Variants in TBC1D22A observed in about 807,000 individuals in gnomAD.
TBC1D22A encodes putative GTPase activator.
TBC1D22A carries 38 observed loss-of-function variants against 60.2 expected under a neutral mutation model. The observed-to-expected ratio is 0.63, with a 90% CI of 0.49 to 0.83. The LOEUF (loss-of-function observed/expected upper bound fraction) is 0.83. Ranked by LOEUF, TBC1D22A falls within the 40% of genes least tolerant of loss-of-function variation. The probability of loss-of-function intolerance (pLI) is 0.00; values close to 1 mark genes in which losing one functional copy is unlikely to be tolerated. For synonymous variants in TBC1D22A, 302 were observed against 281.7 expected (o/e 1.07, Z -0.72); for missense variants, 628 against 701.0 (o/e 0.90, Z 1.18).
chr22:46,981,138 C>G (rs1287917394), intron 9 of TBC1D22A, among the ~76,000 whole-genome samples: 2 of 152,112 alleles, frequency 1.3e-5, no homozygotes, highest in African/African-American at 4.8e-5. Flanking sequence ...GAAAGCATTC[C>G]TAGAGACAAA....
intron 11 of TBC1D22A, among the ~76,000 whole-genome samples, chr22:47,053,474 A>T (rs537338685): frequency 1.3e-5 from 2 of 152,188 alleles, no homozygotes; most frequent in South Asian, 4.1e-4. Flanking sequence ...GCGCACTCAG[A>T]GGCCTCAGGA....
At chr22:46,913,467 C>A (rs1239698558) in intron 8 of TBC1D22A, 2 of 1,347,562 alleles carry the variant, frequency 1.5e-6, no homozygotes, top group East Asian at 9.3e-5. Flanking sequence ...TTACTGCAGC[C>A]CTCTGACACT....
intron 4 of TBC1D22A, among the ~76,000 whole-genome samples, chr22:46,845,436 C>T (rs1274536322): frequency 2.6e-5 from 4 of 152,162 alleles, no homozygotes; most frequent in Non-Finnish European, 5.9e-5. Context: ...CAACTTGCTG[C>T]GGTTACCGTA....
intron 12 of TBC1D22A, among the ~76,000 whole-genome samples, chr22:47,172,197 C>T (rs1157821901): frequency 2.6e-5 from 4 of 152,146 alleles, no homozygotes; most frequent in African/African-American, 9.7e-5. Flanking sequence ...TGTGTCCACC[C>T]AGTGTGCCCG....
At chr22:47,112,111 G>A (rs964730762) in intron 12 of TBC1D22A, among the ~76,000 whole-genome samples, 6 of 152,226 alleles carry the variant, frequency 3.9e-5, no homozygotes, top group Non-Finnish European at 7.3e-5. Context: ...CATGCCACGC[G>A]TCAGAGGCAC....
intron 11 of TBC1D22A, among the ~76,000 whole-genome samples, chr22:47,060,257 T>A (rs865946231): frequency 6.7e-6 from 1 of 150,122 alleles, no homozygotes; most frequent in Non-Finnish European, 1.5e-5. Flanking sequence ...TTTTTTTTTT[T>A]TTGAGATGGA....
intron 1 of TBC1D22A, chr22:46,763,172 G>A: frequency 3.1e-6 from 1 of 321,152 alleles, no homozygotes; most frequent in Non-Finnish European, 5.7e-6. Context: ...ATGCTGTGAA[G>A]TTTGGTGGAG....
At chr22:46,950,874 C>T (rs1201883121) in intron 8 of TBC1D22A, among the ~76,000 whole-genome samples, 1 of 152,176 alleles carries the variant, frequency 6.6e-6, no homozygotes, top group Admixed American at 6.5e-5. Context: ...TCCAGTTTAC[C>T]AGTGTAGTTT....
In TBC1D22A at chr22:47,009,897, C is replaced by T. The variant is rs1400391773; in HGVS notation, c.1201+12188C>T. Among the ~76,000 whole-genome samples, 1 of 152,202 alleles carries T rather than the reference C, an allele frequency of 6.6e-6. No individual in the cohort carries two copies. The highest frequency in any genetic ancestry group is 1.5e-5 in the Non-Finnish European group (1 of 68,042). ...CCTGAGGCAGCCTCTTCTGTCCAGC[C>T]CCCAGGGAGGTTGGTTGGAGTGGAA... On this transcript the variant is annotated intron_variant, in intron 10 of 12. Coordinates refer to ENST00000337137, the MANE Select transcript of TBC1D22A (RefSeq NM_014346.5). This position sits in a 1 kb window ranked among gnomAD's most constrained non-coding sequence, Gnocchi z 5.8.
intron 12 of TBC1D22A, among the ~76,000 whole-genome samples, chr22:47,141,828 G>GT (rs1312353348): frequency 6.6e-6 from 1 of 152,196 alleles, no homozygotes; most frequent in Non-Finnish European, 1.5e-5. Context: ...AAACACTACA[G>GT]TTTTTTAATA....
intron 8 of TBC1D22A, among the ~76,000 whole-genome samples, chr22:46,935,792 G>C (rs1158181124): frequency 1.3e-5 from 2 of 151,840 alleles, no homozygotes; most frequent in African/African-American, 4.8e-5. Flanking sequence ...TCTGAACTCT[G>C]AACCCATGTC....
intron 10 of TBC1D22A, 68 bp downstream of exon 10, chr22:46,997,777 CAGGG>C: frequency 2.0e-6 from 3 of 1,470,786 alleles, no homozygotes; most frequent in Non-Finnish European, 2.8e-6. Context: ...CTCGGTGGGA[CAGGG>C]AGCTGTCCTC....
intron 7 of TBC1D22A, among the ~76,000 whole-genome samples, chr22:46,904,049 T>A (rs6007996): frequency 0.42 from 63,007 of 151,540 alleles, 14,035 homozygotes; most frequent in Middle Eastern, 0.61. Context: ...CTGTCATATA[T>A]ATGTATATAT....
chr22:47,027,532 G>A (rs1414522241), intron 10 of TBC1D22A, among the ~76,000 whole-genome samples: 4 of 151,980 alleles, frequency 2.6e-5, no homozygotes, highest in Admixed American at 1.3e-4. Context: ...TCATTCTTAT[G>A]CCTTTGAATC....
rs1171185051 is a variant in TBC1D22A at position 47,137,580 on chromosome 22, G to T, written c.1425+25977G>T. Among the ~76,000 whole-genome samples, 3 of 152,316 alleles carry T rather than the reference G, an allele frequency of 2.0e-5. No individual in the cohort carries two copies. In the East Asian group the frequency reaches 5.8e-4, roughly 29 times the overall value. ...AGCCCCACATTCTGTGCCCCTTGGA[G>T]CCCTGAAGCTGCCCCTGCCCCTAGC... On this transcript the variant is annotated intron_variant, in intron 12 of 12. Coordinates refer to ENST00000337137, the MANE Select transcript of TBC1D22A (RefSeq NM_014346.5).
intron 12 of TBC1D22A, among the ~76,000 whole-genome samples, chr22:47,147,144 G>A (rs867826937): frequency 1.3e-5 from 2 of 152,188 alleles, no homozygotes; most frequent in Admixed American, 6.5e-5. Context: ...AGGCCTCGGC[G>A]GGTGGCGGGC....
intron 4 of TBC1D22A, among the ~76,000 whole-genome samples, chr22:46,819,763 G>C (rs1482204514): frequency 6.6e-6 from 1 of 152,202 alleles, no homozygotes; most frequent in African/African-American, 2.4e-5. Context: ...AAATGAGTTA[G>C]GGAGGAGTCC....
chr22:47,133,391 C>T (rs767373852), intron 12 of TBC1D22A, among the ~76,000 whole-genome samples: 6 of 152,096 alleles, frequency 3.9e-5, no homozygotes, highest in African/African-American at 7.2e-5. Flanking sequence ...CTGAGAGGAA[C>T]GTGAGCCACC....
chr22:46,970,217 C>T (rs5769280), intron 8 of TBC1D22A, among the ~76,000 whole-genome samples: 1 of 152,162 alleles, frequency 6.6e-6, no homozygotes, highest in Non-Finnish European at 1.5e-5. Context: ...GAGCCGCCCC[C>T]TGCCTGACCC....
Sources: allele counts gnomAD v4.1 joint callset (sites outside exome capture counted in the v4.1 genomes callset), GRCh38; gene constraint gnomAD v4.1.1; non-coding constraint Gnocchi (gnomAD v3.1); transcripts MANE v1.5; gene names NCBI Gene and HGNC (gene_info 2026-07-23, HGNC 2026-07-21).